Variants in DYNC1LI1 observed in about 807,000 individuals in gnomAD.
DYNC1LI1 encodes the protein cytoplasmic dynein 1 light intermediate chain 1.
Under a neutral mutation model 63.8 loss-of-function variants are expected in DYNC1LI1, and 19 were observed. That is an observed-to-expected ratio of 0.30 (90% CI 0.21 to 0.44). DYNC1LI1 has a LOEUF of 0.44. Among genes scored for constraint, DYNC1LI1 ranks in the 20% least tolerant of loss-of-function variants. DYNC1LI1 has a pLI of 1.00. For missense variants in DYNC1LI1, 565 were observed against 630.2 expected, an observed-to-expected ratio of 0.90 and a Z score of 1.11; for synonymous variants, 225 against 232.3, an observed-to-expected ratio of 0.97 and a Z score of 0.28.
At chr3:32,528,326 G>C in intron 12 of DYNC1LI1, 120 bp downstream of exon 12, 1 of 1,056,152 alleles carries the variant, frequency 9.5e-7, no homozygotes, top group East Asian at 2.6e-5. Context: ...TATGGTGATG[G>C]CCTGCCCAAC....
chr3:32,565,245 C>T (rs1698242820), intron 2 of DYNC1LI1, among the ~76,000 whole-genome samples: 1 of 152,114 alleles, frequency 6.6e-6, no homozygotes, highest in South Asian at 2.1e-4. Flanking sequence ...TCAAATAAGG[C>T]TTTGGAGATC....
Position 32,532,986 on chromosome 3 carries a change from C to T in DYNC1LI1, c.1080G>A (p.Lys360=). 6.4e-7 allele frequency: 1 copy of T among 1,569,586 alleles called. No individual in the cohort carries two copies. The highest frequency in any genetic ancestry group is 1.2e-5 in the South Asian group (1 of 83,192). The change falls in exon 8 of 13, where the codon AAG becomes AAA. Residue 360 remains lysine (K), a splice_region_variant and synonymous_variant. Transcript: ENST00000273130. ...TGAGATTATTTACTAAAATGGTTAC[C>T]TTTCGAACAGGTGGTTTAGTTATGA... ...EDIITKPPVR[K]FVHEKEIMAE...
intron 2 of DYNC1LI1, among the ~76,000 whole-genome samples, chr3:32,561,027 A>AAAC (rs1698185048): frequency 7.1e-6 from 1 of 141,076 alleles, no homozygotes; most frequent in Admixed American, 6.9e-5. Context: ...AAAAAAAAAA[A>AAAC]AAAAAACAAA....
Position 32,533,044 on chromosome 3 carries a change from T to G in DYNC1LI1, c.1022A>C (p.Gln341Pro). 3.1e-6 allele frequency: 5 copies of G among 1,605,074 alleles called. No homozygotes were observed. Among genetic ancestry groups the G allele is most frequent in the Non-Finnish European group, 4.2e-6 (5 of 1,178,132 alleles). ...AAAATTATCTTCTGCTTTTAATGTT[T>G]GAAAATTTTCATGTAATATTCCTAT... ...KKIGILHENF[Q>P]TLKAEDNFED... Residue 341 changes from glutamine (Q) to proline (P), a missense_variant, in exon 8 of 13, where the codon CAA (glutamine) becomes CCA (proline). Physicochemically the swap from Gln to Pro is moderately conservative, Grantham distance 76. Coordinates refer to ENST00000273130, the MANE Select transcript of DYNC1LI1 (RefSeq NM_016141.4).
Position 32,558,846 on chromosome 3 carries a change from C to CA in DYNC1LI1, c.220+11499dup, listed in dbSNP as rs35953455. ...GGGCAACAAGAGCAAAACTCCATCTCAAAAAAAAAAAAAATAATAACAACA... is the reference window on the plus strand; with the variant it reads ...GGGCAACAAGAGCAAAACTCCATCTCAAAAAAAAAAAAAAATAATAACAACA... On this transcript the variant is annotated intron_variant, in intron 2 of 12. Coordinates refer to ENST00000273130, the MANE Select transcript of DYNC1LI1 (RefSeq NM_016141.4). Among the ~76,000 whole-genome samples the CA allele has an allele frequency of 2.2e-3, 295 of 132,088 alleles. 1 individual carries two copies. The highest frequency in any genetic ancestry group is 3.9e-3 in the South Asian group (16 of 4,098). The allele number at this position is 132,088 out of a possible 152,430, so 86.7% of individuals were successfully genotyped here. A position where few individuals can be genotyped will look rare whatever the true frequency, so the allele number is the denominator to read the frequency against.
At chr3:32,548,049 C>T (rs1167159631) in intron 2 of DYNC1LI1, among the ~76,000 whole-genome samples, 1 of 151,924 alleles carries the variant, frequency 6.6e-6, no homozygotes, top group African/African-American at 2.4e-5. Context: ...CAATGCAATA[C>T]TATTTAGCCT....
At chr3:32,554,532 AT>A (rs1366288622) in intron 2 of DYNC1LI1, among the ~76,000 whole-genome samples, 2 of 152,176 alleles carry the variant, frequency 1.3e-5, no homozygotes, top group African/African-American at 2.4e-5. Flanking sequence ...CTTCTTACAA[AT>A]GGGGAAACTG....
At chr3:32,566,252 A>G (rs1246686792) in intron 2 of DYNC1LI1, among the ~76,000 whole-genome samples, 1 of 152,014 alleles carries the variant, frequency 6.6e-6, no homozygotes, top group Non-Finnish European at 1.5e-5. Context: ...AGCCTGGGTG[A>G]CAGAGTAAGA....
rs1345861942 is a variant in DYNC1LI1 at position 32,567,975 on chromosome 3, T to C, written c.220+2371A>G. ...CACCTAGGCCTCCTAAAGTCTGGGA[T>C]TACAGGCAGGAGCTGCCGTGCCAGG... is the stretch of plus-strand genomic sequence containing the variant. On this transcript the variant is annotated intron_variant, in intron 2 of 12. Coordinates refer to ENST00000273130, the MANE Select transcript of DYNC1LI1 (RefSeq NM_016141.4). 2.0e-5 allele frequency among the ~76,000 whole-genome samples: 3 copies of C among 152,238 alleles called. No homozygotes were observed. In the East Asian group the frequency reaches 5.8e-4, roughly 29 times the overall value.
intron 11 of DYNC1LI1, among the ~76,000 whole-genome samples, chr3:32,529,280 G>A (rs777178998): frequency 6.6e-6 from 1 of 152,100 alleles, no homozygotes; most frequent in African/African-American, 2.4e-5. Context: ...TTATTATAGT[G>A]TAAATGTGAA....
intron 5 of DYNC1LI1, among the ~76,000 whole-genome samples, chr3:32,537,745 G>A (rs1403685594): frequency 1.4e-4 from 20 of 148,096 alleles, no homozygotes; most frequent in Admixed American, 1.3e-3. Flanking sequence ...CAAACATCAC[G>A]ACATCCAAAT....
At chr3:32,531,466 A>G (rs1407213833) in intron 8 of DYNC1LI1, 1 of 152,012 alleles carries the variant, frequency 6.6e-6, no homozygotes, top group Non-Finnish European at 1.5e-5. Flanking sequence ...TTATTTCTGT[A>G]GCACTTATCA....
intron 11 of DYNC1LI1, among the ~76,000 whole-genome samples, chr3:32,529,026 T>C (rs1697659902): frequency 6.6e-6 from 1 of 151,956 alleles, no homozygotes; most frequent in African/African-American, 2.4e-5. Context: ...GAAACACAAA[T>C]AGAAGGAAAA....
chr3:32,550,221 C>T (rs1339387701), intron 2 of DYNC1LI1, among the ~76,000 whole-genome samples: 1 of 152,130 alleles, frequency 6.6e-6, no homozygotes, highest in South Asian at 2.1e-4. Flanking sequence ...CACCTTAAGT[C>T]GGGAGTTAGA....
In DYNC1LI1 at chr3:32,534,591, T is replaced by C. The variant is rs1332072653; in HGVS notation, c.888A>G (p.Val296=). The change falls in exon 7 of 13, where the codon GTA becomes GTG. Residue 296 remains valine, a synonymous_variant. Transcript: ENST00000273130. ...ATAGTTTCTGAACGATGTATTTATA[T>C]ACTAAGTCTATATTTTTGTTTTCTT... ...SVKENKNIDL[V]YKYIVQKLYG... 3 of 1,587,998 alleles carry C rather than the reference T, an allele frequency of 1.9e-6. No individual in the cohort carries two copies. The highest frequency in any genetic ancestry group is 1.7e-4 in the Middle Eastern group (1 of 6,022).
In DYNC1LI1 at chr3:32,530,527, T is replaced by C. The variant is rs1697682267; in HGVS notation, c.1081-7A>G. The C allele has an allele frequency of 1.2e-6, 2 of 1,611,620 alleles. No homozygotes were observed. The highest frequency in any genetic ancestry group is 1.7e-6 in the Non-Finnish European group (2 of 1,178,740). Reference sequence around the variant, plus strand: ...TTTCCTTCTCATGTACAAACTGAAATGAGCAATGCACAAATGAGCAAATTT... The same window carrying C: ...TTTCCTTCTCATGTACAAACTGAAACGAGCAATGCACAAATGAGCAAATTT... On this transcript the variant is annotated splice_region_variant and splice_polypyrimidine_tract_variant and intron_variant, in intron 8 of 12. Coordinates refer to ENST00000273130, the MANE Select transcript of DYNC1LI1 (RefSeq NM_016141.4).
intron 2 of DYNC1LI1, among the ~76,000 whole-genome samples, chr3:32,550,451 AC>A (rs1323525740): frequency 6.6e-6 from 1 of 152,196 alleles, no homozygotes; most frequent in African/African-American, 2.4e-5. Flanking sequence ...AAACAAAAAA[AC>A]AAAACTGTCA....
rs1014280709 is a variant in DYNC1LI1, at chr3:32,533,186, T to C, written c.969-89A>G. ...AGATCATGTAAAAGGAATACTTTCA[T>C]GAAGTCAATTTGAACAATTATGGAA... is the stretch of plus-strand genomic sequence containing the variant. On this transcript the variant is annotated intron_variant, in intron 7 of 12. Coordinates refer to ENST00000273130, the MANE Select transcript of DYNC1LI1 (RefSeq NM_016141.4). 1.2e-5 allele frequency: 17 copies of C among 1,420,788 alleles called. No homozygotes were observed. The African/African-American group carries it at 2.5e-4, about 21-fold the overall frequency. The allele number at this position is 1,420,788 out of a possible 1,614,324, so 88.0% of individuals were successfully genotyped here.
chr3:32,533,215 G>C, intron 7 of DYNC1LI1, 118 bp from the exon 8 acceptor site: 1 of 1,366,704 alleles, frequency 7.3e-7, no homozygotes, highest in African/African-American at 1.5e-5. Flanking sequence ...TATGGAAAAC[G>C]AATTAGCTTT....
Sources: allele counts gnomAD v4.1 joint callset (sites outside exome capture counted in the v4.1 genomes callset), GRCh38; gene constraint gnomAD v4.1.1; transcripts MANE v1.5; gene names NCBI Gene and HGNC (gene_info 2026-07-23, HGNC 2026-07-21).